The following SOD2 variants were observed in gnomAD, a reference collection of about 807,000 sequenced individuals.
The protein encoded by SOD2 is superoxide dismutase 2, also known as superoxide dismutase [Mn], mitochondrial.
SOD2 carries 11 observed loss-of-function variants against 27.0 expected under a neutral mutation model. The ratio of observed to expected loss-of-function variants is 0.41; its 90% CI spans 0.26 to 0.67. The LOEUF is 0.67. Among genes scored for constraint, SOD2 ranks in the 30% least tolerant of loss-of-function variants. SOD2 has a pLI of 0.34. For synonymous variants in SOD2, 105 were observed against 103.0 expected (o/e 1.02, Z -0.12); for missense variants, 250 against 274.5 (o/e 0.91, Z 0.63).
upstream of SOD2, chr6:159,727,629 G>A: frequency 1.0e-6 from 1 of 986,184 alleles, no homozygotes; most frequent in Non-Finnish European, 1.2e-6. Context: ...GGCCCGGGGG[G>A]CCCGGGCGGC....
intron 1 of SOD2, among the ~76,000 whole-genome samples, chr6:159,701,141 G>A (rs1307645659): frequency 1.3e-5 from 2 of 152,122 alleles, no homozygotes; most frequent in Non-Finnish European, 2.9e-5. Flanking sequence ...GCCAATCCCT[G>A]GAGATTTGAG....
chr6:159,739,240 T>G (rs1228630680), intron 1 of SOD2, among the ~76,000 whole-genome samples: 1 of 152,222 alleles, frequency 6.6e-6, no homozygotes, highest in Non-Finnish European at 1.5e-5. Context: ...AAAGAACTAC[T>G]AGGAAGCTAT....
intron 1 of SOD2, among the ~76,000 whole-genome samples, chr6:159,712,546 C>A (rs995098393): frequency 1.3e-5 from 2 of 148,996 alleles, no homozygotes; most frequent in Non-Finnish European, 1.5e-5. Flanking sequence ...ATCACCATAA[C>A]CACCTCCATA....
chr6:159,725,764 TA>T (rs1374340575), intron 1 of SOD2: 2 of 151,682 alleles, frequency 1.3e-5, no homozygotes, highest in Non-Finnish European at 2.9e-5. Context: ...ATATTAAATA[TA>T]AATATATATT....
chr6:159,741,387 G>T (rs1413274043), intron 1 of SOD2, among the ~76,000 whole-genome samples: 1 of 152,174 alleles, frequency 6.6e-6, no homozygotes, highest in Non-Finnish European at 1.5e-5. Context: ...ACCTTGAGAA[G>T]AGTCACATGG....
chr6:159,697,833 C>T (rs189532287), upstream of SOD2, among the ~76,000 whole-genome samples: 3 of 152,342 alleles, frequency 2.0e-5, no homozygotes, highest in Non-Finnish European at 4.4e-5. Context: ...GTGCTGGTCC[C>T]TTCACAGTCA....
At chr6:159,734,983 A>G (rs747523547) in intron 1 of SOD2, among the ~76,000 whole-genome samples, 9 of 152,236 alleles carry the variant, frequency 5.9e-5, no homozygotes, top group Non-Finnish European at 1.3e-4. Context: ...ACAGCATAAT[A>G]AAGTGTTCCC....
chr6:159,738,631 T>C (rs1779060255), intron 1 of SOD2, among the ~76,000 whole-genome samples: 1 of 152,224 alleles, frequency 6.6e-6, no homozygotes, highest in South Asian at 2.1e-4. Flanking sequence ...TAAAAGGAAC[T>C]GCCATACTTC....
In SOD2 at chr6:159,669,424, G is replaced by C. The variant is rs140726109; in HGVS notation, c.*13069C>G. The C allele has an allele frequency of 1.3e-5, 2 of 152,240 alleles. No individual in the cohort carries two copies. Among genetic ancestry groups the C allele is most frequent in the Non-Finnish European group, 2.9e-5 (2 of 68,014 alleles). The allele number at this position is 152,240 out of a possible 1,614,324, so 9.4% of individuals were successfully genotyped here. On this transcript the variant is annotated 3_prime_UTR_variant, in exon 5 of 5. Transcript: ENST00000538183. Reference sequence around the variant, plus strand: ...TAGAGTGAAGTCCTCAACTACTATTGTATTAGAGTCTATTTCTCCCTTTAA... The same window carrying C: ...TAGAGTGAAGTCCTCAACTACTATTCTATTAGAGTCTATTTCTCCCTTTAA...
At chr6:159,731,318 A>G (rs375279424), upstream of SOD2, among the ~76,000 whole-genome samples, 6 of 151,800 alleles carry the variant, frequency 4.0e-5, no homozygotes, top group South Asian at 2.1e-4. Flanking sequence ...AAAAAAACAA[A>G]TTAGCTGGGC....
At position 159,673,676 on chromosome 6, in the gene SOD2, C is replaced by A. The variant is rs1254144088; in HGVS notation, c.*8817G>T. On this transcript the variant is annotated 3_prime_UTR_variant, in exon 5 of 5. Coordinates refer to ENST00000538183, the MANE Select transcript of SOD2 (RefSeq NM_000636.4). ...ATCTAAAATTGACACTCTAACATCA[C>A]AATTAAAAATATTAGAGAAGCAAGA... The A allele has an allele frequency of 2.6e-4, 40 of 152,042 alleles. No homozygotes were observed. The highest frequency in any genetic ancestry group is 2.6e-3 in the Admixed American group (40 of 15,258). 9.4% of individuals were successfully genotyped at this position (152,042 alleles called of 1,614,324 possible). A position where few individuals can be genotyped will look rare whatever the true frequency, so the allele number is the denominator to read the frequency against.
intron 1 of SOD2, among the ~76,000 whole-genome samples, chr6:159,735,799 T>C (rs1778878545): frequency 6.6e-6 from 1 of 152,002 alleles, no homozygotes; most frequent in African/African-American, 2.4e-5. Context: ...TATTGGGCAG[T>C]AGTAAATTAT....
At position 159,677,858 on chromosome 6, in the gene SOD2, C is replaced by G. The variant is rs1173493011; in HGVS notation, c.*4635G>C. The G allele has an allele frequency of 2.0e-5, 3 of 152,178 alleles. No homozygotes were observed. The highest frequency in any genetic ancestry group is 7.2e-5 in the African/African-American group (3 of 41,436). 9.4% of individuals were successfully genotyped at this position (152,178 alleles called of 1,614,324 possible). A position where few individuals can be genotyped will look rare whatever the true frequency, so the allele number is the denominator to read the frequency against. On this transcript the variant is annotated 3_prime_UTR_variant, in exon 5 of 5. Coordinates refer to ENST00000538183, the MANE Select transcript of SOD2 (RefSeq NM_000636.4). The stretch of plus-strand genomic sequence containing the variant: ...AATATATATATTGTCTCAATCCTTG[C>G]TTGGTCTCTTGGCTCCTAAACCCCT...
At chr6:159,730,002 C>T (rs1778469575), upstream of SOD2, among the ~76,000 whole-genome samples, 1 of 152,058 alleles carries the variant, frequency 6.6e-6, no homozygotes, top group Non-Finnish European at 1.5e-5. Flanking sequence ...AGATGGTGGT[C>T]CTGATTTTCT....
At chr6:159,725,394 T>C (rs779069737) in intron 1 of SOD2, among the ~76,000 whole-genome samples, 3 of 150,322 alleles carry the variant, frequency 2.0e-5, no homozygotes, top group African/African-American at 4.9e-5. Flanking sequence ...GCTGAGAGAA[T>C]CGCTTGAACC....
intron 1 of SOD2, among the ~76,000 whole-genome samples, chr6:159,718,867 CT>C: frequency 6.6e-6 from 1 of 152,306 alleles, no homozygotes; most frequent in East Asian, 1.9e-4. Context: ...AGCAGAGGTA[CT>C]AACTGGTGAA....
At chr6:159,760,304 CTG>C (rs1780096670) in intron 1 of SOD2, 1 of 152,214 alleles carries the variant, frequency 6.6e-6, no homozygotes, top group African/African-American at 2.4e-5. Flanking sequence ...CAGTTTCTCT[CTG>C]TCGCTCAGGC....
At chr6:159,713,307 T>A in intron 1 of SOD2, 1 of 661,314 alleles carries the variant, frequency 1.5e-6, no homozygotes, top group Non-Finnish European at 2.7e-6. Flanking sequence ...CCCTGCCTCA[T>A]CTTTTCAAAC....
intron 1 of SOD2, among the ~76,000 whole-genome samples, chr6:159,742,813 T>A (rs1013386468): frequency 1.3e-5 from 2 of 151,802 alleles, no homozygotes; most frequent in South Asian, 2.1e-4. Context: ...CCCAGCACTT[T>A]GGGAGGCCAA....
Sources: allele counts gnomAD v4.1 joint callset (sites outside exome capture counted in the v4.1 genomes callset), GRCh38; gene constraint gnomAD v4.1.1; transcripts MANE v1.5; gene names NCBI Gene and HGNC (gene_info 2026-07-23, HGNC 2026-07-21).